The following MAML3 variants were observed in gnomAD, a reference collection of about 807,000 sequenced individuals.
MAML3 encodes mastermind-like protein 3.
A neutral mutation model predicts 101.9 loss-of-function variants in MAML3; 27 were observed. That is an observed-to-expected ratio of 0.27 (90% CI 0.20 to 0.37). The LOEUF is 0.37. MAML3 is among the 10% of genes least tolerant of loss of function. MAML3 has a pLI of 1.00. For synonymous variants in MAML3, 501 were observed against 555.9 expected, an observed-to-expected ratio of 0.90 and a Z score of 1.39; for missense variants, 1,316 against 1,444.9, an observed-to-expected ratio of 0.91 and a Z score of 1.45.
intron 1 of MAML3, among the ~76,000 whole-genome samples, chr4:139,998,735 T>C (rs1734866545): frequency 6.6e-6 from 1 of 152,224 alleles, no homozygotes; most frequent in African/African-American, 2.4e-5. Context: ...AGTTGTTGCT[T>C]CTGTTTTTGT....
intron 2 of MAML3, among the ~76,000 whole-genome samples, chr4:139,828,437 A>G (rs1368723079): frequency 6.6e-6 from 1 of 152,244 alleles, no homozygotes; most frequent in Non-Finnish European, 1.5e-5. Flanking sequence ...ATCCCTTTAG[A>G]CAGAGAGAGC....
intron 1 of MAML3, among the ~76,000 whole-genome samples, chr4:139,922,467 A>T (rs942855594): frequency 6.6e-6 from 1 of 151,874 alleles, no homozygotes; most frequent in Non-Finnish European, 1.5e-5. Context: ...ACCTCAAGCT[A>T]ATGATACCAG....
intron 1 of MAML3, among the ~76,000 whole-genome samples, chr4:140,022,318 C>T (rs368341921): frequency 2.6e-5 from 4 of 151,990 alleles, no homozygotes; most frequent in African/African-American, 9.7e-5. Flanking sequence ...TGAGTTACCC[C>T]CAAAAAACTA....
chr4:139,719,124 T>C lies in MAML3; in HGVS notation c.*199A>G, dbSNP rs1728115842. ...GGATCTGCATGGCGTCTCATCTCGA[T>C]TGCTGTGTGAAAATCAGGTGAAATG... On this transcript the variant is annotated 3_prime_UTR_variant, in exon 5 of 5. Transcript: ENST00000509479. 3.4e-6 allele frequency: 2 copies of C among 594,212 alleles called. No homozygotes were observed. Among genetic ancestry groups the C allele is most frequent in the Admixed American group, 3.5e-5 (1 of 28,640 alleles). The allele number at this position is 594,212 out of a possible 1,614,324, so 36.8% of individuals were successfully genotyped here.
intron 1 of MAML3, among the ~76,000 whole-genome samples, chr4:140,079,383 T>A (rs1367989520): frequency 6.6e-6 from 1 of 152,180 alleles, no homozygotes; most frequent in Non-Finnish European, 1.5e-5. Context: ...AACCTCCGTC[T>A]CCCAGGTTCA....
At chr4:139,973,551 A>C (rs746688267) in intron 1 of MAML3, among the ~76,000 whole-genome samples, 2 of 152,198 alleles carry the variant, frequency 1.3e-5, no homozygotes, top group African/African-American at 2.4e-5. Context: ...TATTACTGGA[A>C]GGGAGCCTTG....
chr4:139,753,341 A>AATCC (rs1553954173), intron 2 of MAML3, among the ~76,000 whole-genome samples: 2 of 146,690 alleles, frequency 1.4e-5, no homozygotes, highest in Non-Finnish European at 3.0e-5. Flanking sequence ...TTTTCTTTTT[A>AATCC]ATCTATCTAT....
chr4:139,776,873 C>T (rs1032562903), intron 2 of MAML3, among the ~76,000 whole-genome samples: 3 of 152,094 alleles, frequency 2.0e-5, no homozygotes, highest in Non-Finnish European at 4.4e-5. Context: ...CCAGCATCTA[C>T]AAAATGGCAT....
rs558231728 is a variant in MAML3, at chr4:139,890,487, C to T, written c.949G>A (p.Ala317Thr). ...ATGTCATCCTCAGGAACCGTGTTGG[C>T]CAATTCATCTATTAATTCTTGCCAC... ...QEWQELIDEL[A>T]NTVPEDDIQD... is the part of the protein sequence containing the mutation. Residue 317 changes from alanine (A) to threonine (T), a missense_variant, in exon 2 of 5, where the codon GCC becomes ACC. By Grantham distance (58) the Ala-to-Thr change is moderately conservative. Coordinates refer to ENST00000509479, the MANE Select transcript of MAML3 (RefSeq NM_018717.5). The surrounding 1 kb of genome is among the most constrained non-coding windows in gnomAD (Gnocchi z 4.1). 14 of 1,613,946 alleles carry T rather than the reference C, an allele frequency of 8.7e-6. No individual in the cohort carries two copies. In the African/African-American group the frequency reaches 1.1e-4, roughly 12 times the overall value.
At chr4:139,938,278 C>T (rs1012834067) in intron 1 of MAML3, among the ~76,000 whole-genome samples, 1 of 152,198 alleles carries the variant, frequency 6.6e-6, no homozygotes, top group Non-Finnish European at 1.5e-5. Flanking sequence ...CTCAAGCGCA[C>T]AGAGTATCCT....
chr4:139,988,281 C>T (rs1267922343), intron 1 of MAML3, among the ~76,000 whole-genome samples: 4 of 143,242 alleles, frequency 2.8e-5, no homozygotes, highest in Non-Finnish European at 6.0e-5. Context: ...GAGCCAGGAT[C>T]GCGCCACTGC....
intron 2 of MAML3, among the ~76,000 whole-genome samples, chr4:139,833,510 A>G (rs1269267559): frequency 6.6e-6 from 1 of 151,832 alleles, no homozygotes; most frequent in Non-Finnish European, 1.5e-5. Flanking sequence ...GAAGGGGGGC[A>G]GCCAAGGGGA....
chr4:139,838,219 A>C (rs953488523), intron 2 of MAML3, among the ~76,000 whole-genome samples: 1 of 152,170 alleles, frequency 6.6e-6, no homozygotes, highest in Non-Finnish European at 1.5e-5. Context: ...GGAGATTTTC[A>C]TTTGGTCCCA....
chr4:140,111,393 T>A (rs11724768), intron 1 of MAML3, among the ~76,000 whole-genome samples: 87,962 of 152,064 alleles, frequency 0.58, 25,597 homozygotes, highest in East Asian at 0.62. Context: ...TTCTACAGGA[T>A]ATCACAGATA....
chr4:139,893,405 A>G (rs986212006), intron 1 of MAML3, among the ~76,000 whole-genome samples: 8 of 152,142 alleles, frequency 5.3e-5, no homozygotes, highest in Admixed American at 3.9e-4. Context: ...CTTCACTACC[A>G]TAGCTTTTTC....
At chr4:139,980,801 T>C (rs914131389) in intron 1 of MAML3, among the ~76,000 whole-genome samples, 2 of 152,104 alleles carry the variant, frequency 1.3e-5, no homozygotes, top group African/African-American at 4.8e-5. Flanking sequence ...AATACATGAA[T>C]AAACAAGTAA....
intron 1 of MAML3, among the ~76,000 whole-genome samples, chr4:139,910,775 G>A (rs1417440510): frequency 6.6e-6 from 1 of 151,994 alleles, no homozygotes; most frequent in Non-Finnish European, 1.5e-5. Flanking sequence ...GAGAAGGGAA[G>A]TCAGGAAGCA....
chr4:139,766,450 A>G (rs4863512), intron 2 of MAML3, among the ~76,000 whole-genome samples: 152,342 of 152,342 alleles, frequency 1, 76,171 homozygotes, highest in Non-Finnish European at 1. Flanking sequence ...GGGATTACAG[A>G]CGTGAGCCAC....
At chr4:140,142,632 C>A (rs1293804875) in intron 1 of MAML3, among the ~76,000 whole-genome samples, 1 of 152,152 alleles carries the variant, frequency 6.6e-6, no homozygotes, top group Non-Finnish European at 1.5e-5. Flanking sequence ...AACCAGAGAT[C>A]CTAAATTTAT....
Sources: gnomAD v4.1 joint callset for allele counts (sites outside exome capture counted in the v4.1 genomes callset) on GRCh38, gnomAD v4.1.1 for gene constraint, Gnocchi (gnomAD v3.1) non-coding constraint, MANE v1.5 for transcripts, NCBI Gene and HGNC (gene_info 2026-07-23, HGNC 2026-07-21) for gene names.